Variants in DAB1 observed in about 807,000 individuals in gnomAD.
DAB1 encodes disabled homolog 1.
In DAB1, 15 loss-of-function variants were observed where a neutral mutation model predicts 64.6. The observed-to-expected ratio is 0.23, with a 90% confidence interval of 0.16 to 0.36. The LOEUF (loss-of-function observed/expected upper bound fraction) is 0.36, where lower values mean the gene tolerates loss of function less well. Ranked by LOEUF, DAB1 falls within the 10% of genes least tolerant of loss-of-function variation. DAB1 has a pLI of 1.00. For missense variants in DAB1, 596 were observed against 706.7 expected, an observed-to-expected ratio of 0.84 and a Z score of 1.78; for synonymous variants, 235 against 251.9, an observed-to-expected ratio of 0.93 and a Z score of 0.64.
intron 1 of DAB1, among the ~76,000 whole-genome samples, chr1:57,409,102 G>A (rs2101052221): frequency 6.6e-6 from 1 of 152,276 alleles, no homozygotes; most frequent in Non-Finnish European, 1.5e-5. Context: ...GCTTCCGGCA[G>A]CCCAACTCCT....
rs1051084600 is a variant in DAB1 at position 56,998,109 on chromosome 1, G to A, written c.*35C>T. Reference sequence around the variant, plus strand: ...CTATTTCTTAGGTCTGTTGATCTGCGCGTACAGAGGCTCTGGCTCCTGTGG... The same window carrying A: ...CTATTTCTTAGGTCTGTTGATCTGCACGTACAGAGGCTCTGGCTCCTGTGG... On this transcript the variant is annotated 3_prime_UTR_variant, in exon 15 of 15. Coordinates refer to ENST00000371236, the MANE Select transcript of DAB1 (RefSeq NM_001365792.1). 3.9e-5 allele frequency: 6 copies of A among 152,590 alleles called. No homozygotes were observed. In the East Asian group the frequency reaches 5.8e-4, roughly 15 times the overall value. 9.5% of individuals were successfully genotyped at this position (152,590 alleles called of 1,614,324 possible). A position where few individuals can be genotyped will look rare whatever the true frequency, so the allele number is the denominator to read the frequency against.
At chr1:57,882,006 T>C (rs1005741093) in intron 1 of DAB1, among the ~76,000 whole-genome samples, 1 of 152,172 alleles carries the variant, frequency 6.6e-6, no homozygotes, top group South Asian at 2.1e-4. Context: ...TTCAGGAAGA[T>C]AGCTGTGGTT....
chr1:57,030,741 T>C (rs1433817000), intron 9 of DAB1, among the ~76,000 whole-genome samples: 1 of 152,252 alleles, frequency 6.6e-6, no homozygotes, highest in Non-Finnish European at 1.5e-5. Context: ...AATGTTCTTC[T>C]TTGGTAATCC....
intron 2 of DAB1, among the ~76,000 whole-genome samples, chr1:57,183,986 T>C (rs1663260413): frequency 1.3e-5 from 2 of 152,096 alleles, no homozygotes; most frequent in Non-Finnish European, 2.9e-5. Flanking sequence ...GGGACTTAGC[T>C]AATAACAGAT....
intron 1 of DAB1, among the ~76,000 whole-genome samples, chr1:57,358,836 C>T (rs761965588): frequency 6.6e-6 from 1 of 151,962 alleles, no homozygotes; most frequent in Non-Finnish European, 1.5e-5. Flanking sequence ...CATTTATAGC[C>T]AACTTCTTTT....
At chr1:57,957,966 G>A (rs1398014482) in intron 5 of DAB1, among the ~76,000 whole-genome samples, 1 of 151,886 alleles carries the variant, frequency 6.6e-6, no homozygotes. Context: ...GTAAGTTGTT[G>A]AAATTCTTGT....
At chr1:57,179,343 G>A (rs946551434) in intron 2 of DAB1, among the ~76,000 whole-genome samples, 1 of 152,152 alleles carries the variant, frequency 6.6e-6, no homozygotes, top group African/African-American at 2.4e-5. Context: ...TCCGTGACTG[G>A]GGAAACCCCA....
intron 7 of DAB1, among the ~76,000 whole-genome samples, chr1:57,466,468 C>A (rs902342656): frequency 2.6e-5 from 4 of 152,064 alleles, no homozygotes; most frequent in East Asian, 1.9e-4. Context: ...ATAACGTAAC[C>A]CCTCTGAGCC....
At chr1:58,308,558 T>C (rs541627828) in intron 4 of DAB1, among the ~76,000 whole-genome samples, 1 of 152,046 alleles carries the variant, frequency 6.6e-6, no homozygotes, top group African/African-American at 2.4e-5. Flanking sequence ...CCAGAATGCA[T>C]GTGAGTCTCA....
chr1:57,043,413 G>C (rs773254756), intron 9 of DAB1, among the ~76,000 whole-genome samples: 2 of 152,126 alleles, frequency 1.3e-5, no homozygotes, highest in Non-Finnish European at 2.9e-5. Context: ...AAGAAATGCT[G>C]ATTCTATCCC....
At chr1:58,169,432 C>T (rs1656042359) in intron 4 of DAB1, among the ~76,000 whole-genome samples, 1 of 152,168 alleles carries the variant, frequency 6.6e-6, no homozygotes, top group African/African-American at 2.4e-5. Context: ...CATCAACAGG[C>T]TCACCCTTAA....
chr1:57,153,092 C>T (rs1659850795), intron 2 of DAB1, among the ~76,000 whole-genome samples: 1 of 152,188 alleles, frequency 6.6e-6, no homozygotes, highest in Admixed American at 6.5e-5. Context: ...GTGGTATGAT[C>T]TTAGCTCACT....
chr1:58,421,979 G>C (rs971187866), intron 3 of DAB1, among the ~76,000 whole-genome samples: 1 of 151,102 alleles, frequency 6.6e-6, no homozygotes, highest in African/African-American at 2.4e-5. Context: ...TTTCTCTTTG[G>C]GTGCTATTAA....
chr1:57,736,768 C>A (rs1647711206), intron 6 of DAB1, among the ~76,000 whole-genome samples: 1 of 152,160 alleles, frequency 6.6e-6, no homozygotes, highest in Admixed American at 6.5e-5. Flanking sequence ...TCACTCTTTC[C>A]ATCTCCCTGC....
At chr1:57,476,679 C>T (rs925451829) in intron 7 of DAB1, among the ~76,000 whole-genome samples, 1 of 152,190 alleles carries the variant, frequency 6.6e-6, no homozygotes, top group Non-Finnish European at 1.5e-5. Flanking sequence ...AGTTCTTGTC[C>T]TTACAGATAA....
intron 2 of DAB1, among the ~76,000 whole-genome samples, chr1:57,258,770 C>T (rs780681790): frequency 2.0e-5 from 3 of 152,026 alleles, no homozygotes; most frequent in South Asian, 2.1e-4. Context: ...TGTGACACAT[C>T]GAGTCTTAAA....
intron 6 of DAB1, among the ~76,000 whole-genome samples, chr1:57,791,834 C>G (rs1485568340): frequency 6.6e-6 from 1 of 152,166 alleles, no homozygotes; most frequent in East Asian, 1.9e-4. Flanking sequence ...ACCAGTTAAT[C>G]ACCCCAGGCT....
intron 3 of DAB1, among the ~76,000 whole-genome samples, chr1:58,443,460 A>G (rs192617303): frequency 3.2e-4 from 48 of 152,306 alleles, no homozygotes; most frequent in Non-Finnish European, 4.0e-4. Context: ...TTCACTTAAG[A>G]TTTGGTAGTC....
chr1:57,620,571 G>A (rs1426904873), intron 7 of DAB1, among the ~76,000 whole-genome samples: 3 of 152,264 alleles, frequency 2.0e-5, no homozygotes, highest in African/African-American at 4.8e-5. Context: ...TGGGGTGAGA[G>A]TGAAGGGAAG....
Sources: allele counts gnomAD v4.1 joint callset (sites outside exome capture counted in the v4.1 genomes callset), GRCh38; gene constraint gnomAD v4.1.1; transcripts MANE v1.5; gene names NCBI Gene and HGNC (gene_info 2026-07-23, HGNC 2026-07-21).